The following SCAPER variants were observed in gnomAD, a reference collection of about 807,000 sequenced individuals.
SCAPER encodes the protein S-phase cyclin A associated protein in the ER.
Under a neutral mutation model 182.2 loss-of-function variants are expected in SCAPER, and 98 were observed. The ratio of observed to expected loss-of-function variants is 0.54; its 90% CI spans 0.46 to 0.64. The LOEUF is 0.64. Among genes scored for constraint, SCAPER ranks in the 30% least tolerant of loss-of-function variants. The pLI is 0.00. For missense variants in SCAPER, 1,432 were observed against 1,690.0 expected, an observed-to-expected ratio of 0.85 and a Z score of 2.68; for synonymous variants, 605 against 564.6, an observed-to-expected ratio of 1.07 and a Z score of -1.01.
At chr15:76,414,202 C>T (rs1291297350) in intron 26 of SCAPER, among the ~76,000 whole-genome samples, 3 of 152,082 alleles carry the variant, frequency 2.0e-5, no homozygotes, top group East Asian at 3.9e-4. Context: ...TCCCTCCTCT[C>T]CCTTGAGAGA....
intron 2 of SCAPER, among the ~76,000 whole-genome samples, chr15:76,875,967 C>T (rs1052712281): frequency 6.6e-6 from 1 of 152,136 alleles, no homozygotes; most frequent in South Asian, 2.1e-4. Context: ...GGTCCCGAGC[C>T]CTGCCCCGCT....
At chr15:76,711,524 C>A (rs1051388284) in intron 17 of SCAPER, among the ~76,000 whole-genome samples, 1 of 152,108 alleles carries the variant, frequency 6.6e-6, no homozygotes, top group Non-Finnish European at 1.5e-5. Context: ...ACTGATCCAC[C>A]AAATGGTGTC....
chr15:76,890,385 T>C (rs1019718722), intron 1 of SCAPER, among the ~76,000 whole-genome samples: 4 of 152,164 alleles, frequency 2.6e-5, no homozygotes, highest in Non-Finnish European at 4.4e-5. Context: ...AGGAGCTGTT[T>C]TTTTGAAAAG....
chr15:76,426,439 T>C (rs536727338), intron 26 of SCAPER, among the ~76,000 whole-genome samples: 8 of 152,256 alleles, frequency 5.3e-5, no homozygotes, highest in Admixed American at 2.0e-4. Flanking sequence ...TGGTGTGCCA[T>C]TTGCTCAGTT....
intron 29 of SCAPER, among the ~76,000 whole-genome samples, chr15:76,357,940 G>T (rs1320936819): frequency 6.6e-6 from 1 of 152,150 alleles, no homozygotes; most frequent in African/African-American, 2.4e-5. Context: ...AGGGAAAGGT[G>T]GGAAAGTGGG....
At chr15:76,608,146 T>C (rs1168062508) in intron 22 of SCAPER, among the ~76,000 whole-genome samples, 2 of 152,124 alleles carry the variant, frequency 1.3e-5, no homozygotes, top group Non-Finnish European at 2.9e-5. Flanking sequence ...ATCTTTGTGG[T>C]TTTATCTACC....
At chr15:76,603,702 G>C (rs1243659073) in intron 22 of SCAPER, among the ~76,000 whole-genome samples, 1 of 120,894 alleles carries the variant, frequency 8.3e-6, no homozygotes, top group East Asian at 2.2e-4. Context: ...GTTGTTTCCT[G>C]ACTTTTTAAT....
At chr15:76,583,452 G>A (rs1464641386) in intron 22 of SCAPER, among the ~76,000 whole-genome samples, 1 of 151,744 alleles carries the variant, frequency 6.6e-6, no homozygotes, top group African/African-American at 2.4e-5. Context: ...CTTCTGCATA[G>A]CAGAGGAACG....
intron 2 of SCAPER, 117 bp from the exon 3 acceptor site, chr15:76,862,650 A>T: frequency 1.6e-6 from 1 of 608,122 alleles, no homozygotes; most frequent in Non-Finnish European, 2.7e-6. Flanking sequence ...CTAATTTGGG[A>T]TGTGGTGGGT....
At chr15:76,868,879 A>T in intron 2 of SCAPER, among the ~76,000 whole-genome samples, 1 of 152,202 alleles carries the variant, frequency 6.6e-6, no homozygotes. Context: ...ACCTGACTAC[A>T]GTAACAAAAT....
intron 4 of SCAPER, among the ~76,000 whole-genome samples, chr15:76,849,952 C>G (rs1187933165): frequency 1.3e-5 from 2 of 152,080 alleles, no homozygotes; most frequent in Admixed American, 1.3e-4. Context: ...TGCTGGACAC[C>G]TATAAAACCA....
chr15:76,829,046 G>C (rs2068238233), intron 5 of SCAPER, among the ~76,000 whole-genome samples: 1 of 152,044 alleles, frequency 6.6e-6, no homozygotes, highest in African/African-American at 2.4e-5. Context: ...TCAAAAATTT[G>C]AAACCAACCT....
At chr15:76,850,393 T>C (rs1165159007) in intron 4 of SCAPER, among the ~76,000 whole-genome samples, 3 of 152,068 alleles carry the variant, frequency 2.0e-5, no homozygotes, top group East Asian at 1.9e-4. Flanking sequence ...TGGCTGAGCA[T>C]ACCCACTGTT....
intron 22 of SCAPER, among the ~76,000 whole-genome samples, chr15:76,578,577 A>C (rs1233375929): frequency 6.6e-6 from 1 of 152,244 alleles, no homozygotes; most frequent in Non-Finnish European, 1.5e-5. Flanking sequence ...GTTGTCCAGC[A>C]AATTCTTCTG....
intron 4 of SCAPER, among the ~76,000 whole-genome samples, chr15:76,855,633 G>T (rs535301468): frequency 1.3e-5 from 2 of 151,986 alleles, no homozygotes; most frequent in Non-Finnish European, 2.9e-5. Flanking sequence ...CTATTCTAAA[G>T]AAGTCATACA....
At chr15:76,828,998 C>A (rs1014724811) in intron 5 of SCAPER, among the ~76,000 whole-genome samples, 2 of 152,198 alleles carry the variant, frequency 1.3e-5, no homozygotes, top group Non-Finnish European at 2.9e-5. Context: ...AAGGACACAT[C>A]ATGCACATGC....
intron 8 of SCAPER, among the ~76,000 whole-genome samples, chr15:76,791,264 T>C (rs2064987834): frequency 6.6e-6 from 1 of 152,210 alleles, no homozygotes; most frequent in Non-Finnish European, 1.5e-5. Flanking sequence ...GACTTACAGT[T>C]ATAGCCACAG....
intron 22 of SCAPER, among the ~76,000 whole-genome samples, chr15:76,581,609 CAG>C (rs1183236983): frequency 6.6e-6 from 1 of 152,160 alleles, no homozygotes; most frequent in African/African-American, 2.4e-5. Context: ...TGTTTGGAGA[CAG>C]AGTCTCGCTC....
intron 28 of SCAPER, 149 bp from the exon 29 acceptor site, chr15:76,376,460 G>A: frequency 1.1e-6 from 1 of 891,496 alleles, no homozygotes; most frequent in Non-Finnish European, 1.6e-6. Context: ...CTTTAGTTTA[G>A]GGGTTCTTGT....
Sources: gnomAD v4.1 joint callset for allele counts (sites outside exome capture counted in the v4.1 genomes callset) on GRCh38, gnomAD v4.1.1 for gene constraint, MANE v1.5 for transcripts, NCBI Gene and HGNC (gene_info 2026-07-23, HGNC 2026-07-21) for gene names.